GRID2: variants seen among roughly 807,000 people sequenced by gnomAD.
GRID2 encodes glutamate ionotropic receptor delta type subunit 2.
In GRID2, 33 loss-of-function variants were observed where a neutral mutation model predicts 114.8. The observed-to-expected ratio is 0.29, with a 90% CI of 0.22 to 0.38. The LOEUF (loss-of-function observed/expected upper bound fraction) is 0.38. Ranked by LOEUF, GRID2 falls within the 10% of genes least tolerant of loss-of-function variation. The pLI is 1.00. For synonymous variants in GRID2, 505 were observed against 449.9 expected, an observed-to-expected ratio of 1.12 and a Z score of -1.55; for missense variants, 1,184 against 1,257.7, an observed-to-expected ratio of 0.94 and a Z score of 0.89.
chr4:93,187,332 A>G (rs1015645796), intron 4 of GRID2, among the ~76,000 whole-genome samples: 1 of 151,784 alleles, frequency 6.6e-6, no homozygotes, highest in East Asian at 1.9e-4. Context: ...GCTGGAGTGC[A>G]GTGGTGTGAT....
At chr4:93,203,760 A>C (rs1742355841) in intron 4 of GRID2, among the ~76,000 whole-genome samples, 1 of 152,168 alleles carries the variant, frequency 6.6e-6, no homozygotes, top group South Asian at 2.1e-4. Flanking sequence ...TACAGCATAG[A>C]GTAGGAAAGG....
At chr4:93,448,098 T>C (rs1223145426) in intron 10 of GRID2, among the ~76,000 whole-genome samples, 4 of 151,654 alleles carry the variant, frequency 2.6e-5, no homozygotes, top group Admixed American at 2.0e-4. Flanking sequence ...GATAATAATA[T>C]GAAATCATCA....
intron 10 of GRID2, among the ~76,000 whole-genome samples, chr4:93,436,016 T>G (rs541203486): frequency 6.6e-6 from 1 of 152,312 alleles, no homozygotes; most frequent in South Asian, 2.1e-4. Context: ...AAAAAGGTAT[T>G]CTCTATCTTG....
At chr4:93,680,397 A>C (rs925698242) in intron 14 of GRID2, among the ~76,000 whole-genome samples, 6 of 151,952 alleles carry the variant, frequency 3.9e-5, no homozygotes, top group African/African-American at 1.5e-4. Flanking sequence ...CAATCAATAG[A>C]AAAAGAGGGA....
At chr4:92,721,626 C>A (rs1560553165) in intron 2 of GRID2, among the ~76,000 whole-genome samples, 1 of 152,036 alleles carries the variant, frequency 6.6e-6, no homozygotes, top group Non-Finnish European at 1.5e-5. Flanking sequence ...AGAATTATAG[C>A]ATTAAAAAAT....
intron 9 of GRID2, among the ~76,000 whole-genome samples, chr4:93,405,882 A>G (rs1766361683): frequency 6.6e-6 from 1 of 152,186 alleles, no homozygotes; most frequent in South Asian, 2.1e-4. Context: ...GAGAGATGCT[A>G]CTGAAATAGA....
intron 2 of GRID2, among the ~76,000 whole-genome samples, chr4:92,801,583 A>T (rs941279874): frequency 9.2e-5 from 14 of 151,864 alleles, no homozygotes; most frequent in Admixed American, 1.3e-4. Context: ...CTGTTCTTCA[A>T]ATTGATTACT....
At chr4:93,646,412 G>A (rs1722117188) in intron 14 of GRID2, among the ~76,000 whole-genome samples, 1 of 152,088 alleles carries the variant, frequency 6.6e-6, no homozygotes. Flanking sequence ...GGAATGACTA[G>A]GAGGCCAATG....
chr4:93,448,471 T>C (rs1446296160), intron 10 of GRID2, among the ~76,000 whole-genome samples: 1 of 151,932 alleles, frequency 6.6e-6, no homozygotes, highest in African/African-American at 2.4e-5. Flanking sequence ...ACCCTCATAA[T>C]ATGCCATTTT....
At chr4:92,795,828 T>A (rs1467434788) in intron 2 of GRID2, among the ~76,000 whole-genome samples, 3 of 151,962 alleles carry the variant, frequency 2.0e-5, no homozygotes, top group African/African-American at 7.2e-5. Flanking sequence ...CAAGTTGTTT[T>A]CTGTTAATTT....
At chr4:93,693,207 G>C (rs1726717603) in intron 14 of GRID2, among the ~76,000 whole-genome samples, 2 of 152,080 alleles carry the variant, frequency 1.3e-5, no homozygotes. Context: ...ATTTATATTA[G>C]CTTCCAGAAG....
chr4:92,823,925 T>C (rs1285685261), intron 2 of GRID2, among the ~76,000 whole-genome samples: 2 of 152,132 alleles, frequency 1.3e-5, no homozygotes, highest in African/African-American at 2.4e-5. Flanking sequence ...TTCCTTCCAG[T>C]GTTGACAATG....
At chr4:93,101,133 C>T (rs1731664685) in intron 3 of GRID2, among the ~76,000 whole-genome samples, 1 of 151,972 alleles carries the variant, frequency 6.6e-6, no homozygotes, top group South Asian at 2.1e-4. Flanking sequence ...GTTTATGTTT[C>T]TTAAATTTTT....
At chr4:92,808,214 G>A (rs1185453334) in intron 2 of GRID2, among the ~76,000 whole-genome samples, 1 of 151,984 alleles carries the variant, frequency 6.6e-6, no homozygotes, top group Non-Finnish European at 1.5e-5. Context: ...GGAACACACA[G>A]CAGAGTTGAA....
At chr4:92,894,337 G>A (rs748196884) in intron 2 of GRID2, among the ~76,000 whole-genome samples, 27 of 151,936 alleles carry the variant, frequency 1.8e-4, no homozygotes, top group Non-Finnish European at 2.5e-4. Context: ...TATTTTTAAG[G>A]TTCTAGATGA....
intron 2 of GRID2, among the ~76,000 whole-genome samples, chr4:92,669,255 C>T (rs575936598): frequency 2.6e-5 from 4 of 151,940 alleles, no homozygotes; most frequent in Non-Finnish European, 4.4e-5. Context: ...ACATTGAATA[C>T]GACTTCTCTG....
chr4:92,393,710 T>TA (rs1560604183), intron 1 of GRID2, among the ~76,000 whole-genome samples: 1 of 152,144 alleles, frequency 6.6e-6, no homozygotes, highest in Non-Finnish European at 1.5e-5. Context: ...TGGGGAAACT[T>TA]ACCAGTTTGT....
chr4:92,762,460 A>C (rs1274035074), intron 2 of GRID2, among the ~76,000 whole-genome samples: 2 of 148,546 alleles, frequency 1.3e-5, no homozygotes, highest in Non-Finnish European at 3.0e-5. Context: ...AAAAAAAAAA[A>C]CATTTTATTG....
chr4:92,933,158 T>C (rs187579984), intron 2 of GRID2, among the ~76,000 whole-genome samples: 93 of 150,416 alleles, frequency 6.2e-4, no homozygotes, highest in African/African-American at 2.1e-3. Context: ...ATTATATATA[T>C]ATACACATAT....
Sources: allele counts gnomAD v4.1 joint callset (sites outside exome capture counted in the v4.1 genomes callset), GRCh38; gene constraint gnomAD v4.1.1; transcripts MANE v1.5; gene names NCBI Gene and HGNC (gene_info 2026-07-23, HGNC 2026-07-21).